The following EPHA5 variants were observed in gnomAD, a reference collection of about 807,000 sequenced individuals.
EPHA5 encodes the protein EPH receptor A5.
EPHA5 carries 60 observed loss-of-function variants against 105.0 expected under a neutral mutation model. The ratio of observed to expected loss-of-function variants is 0.57; its 90% CI spans 0.46 to 0.71. The LOEUF is 0.71. Among genes scored for constraint, EPHA5 ranks in the 30% least tolerant of loss-of-function variants. The probability of loss-of-function intolerance (pLI) is 0.00; values close to 1 mark genes in which losing one functional copy is unlikely to be tolerated. For missense variants in EPHA5, 1,218 were observed against 1,274.7 expected (o/e 0.96, Z 0.68); for synonymous variants, 513 against 449.1 (o/e 1.14, Z -1.80).
chr4:65,499,154 A>G (rs1732240028), intron 3 of EPHA5, among the ~76,000 whole-genome samples: 1 of 151,686 alleles, frequency 6.6e-6, no homozygotes, highest in South Asian at 2.1e-4. Context: ...AAAAGTTGTC[A>G]GAAGGAAACT....
intron 3 of EPHA5, among the ~76,000 whole-genome samples, chr4:65,508,518 T>C (rs1275087025): frequency 6.6e-6 from 1 of 152,106 alleles, no homozygotes; most frequent in African/African-American, 2.4e-5. Flanking sequence ...ATCCTATGTA[T>C]CTGACAAATT....
chr4:65,546,733 G>A (rs1011417648), intron 3 of EPHA5, among the ~76,000 whole-genome samples: 2 of 151,986 alleles, frequency 1.3e-5, no homozygotes, highest in African/African-American at 2.4e-5. Flanking sequence ...AATTTACAAT[G>A]TCTGCGAACT....
rs115342801 is a variant in EPHA5 at position 65,619,807 on chromosome 4, C to A, written c.247-17503G>T. Among the ~76,000 whole-genome samples the A allele has an allele frequency of 4.5e-3, 685 of 151,866 alleles. 13 individuals are homozygous for A. Among genetic ancestry groups the A allele is most frequent in the African/African-American group, 0.016 (643 of 41,460 alleles). On this transcript the variant is annotated intron_variant, in intron 2 of 16. Coordinates refer to ENST00000613740, the MANE Select transcript of EPHA5 (RefSeq NM_001281766.3). ...TACTTACATAAAAATACATACATGT[C>A]CAGAAAAATTAGCTTAGAATTTTTA... is the stretch of plus-strand genomic sequence containing the variant.
rs79819607 is a variant in EPHA5 at position 65,385,407 on chromosome 4, G to T, written c.1794-17983C>A. Among the ~76,000 whole-genome samples the T allele has an allele frequency of 8.6e-4, 130 of 151,652 alleles. 6 individuals carry two copies. In the East Asian group the frequency reaches 0.025, roughly 29 times the overall value. On this transcript the variant is annotated intron_variant, in intron 8 of 16. Transcript: ENST00000613740. ...TCTCTCAAATAATAAAAGTAATTGCGGCAATATACTGAAATTACCAAAACT... is the reference window on the plus strand; with the variant it reads ...TCTCTCAAATAATAAAAGTAATTGCTGCAATATACTGAAATTACCAAAACT...
At chr4:65,510,366 G>A (rs1355713591) in intron 3 of EPHA5, among the ~76,000 whole-genome samples, 1 of 151,946 alleles carries the variant, frequency 6.6e-6, no homozygotes, top group Non-Finnish European at 1.5e-5. Context: ...CTGTTAGCAA[G>A]ACTTTAATTT....
At chr4:65,531,491 T>C (rs1008701251) in intron 3 of EPHA5, among the ~76,000 whole-genome samples, 1 of 145,950 alleles carries the variant, frequency 6.9e-6, no homozygotes, top group Non-Finnish European at 1.5e-5. Flanking sequence ...TCCAGGAATC[T>C]GATCATAAAG....
intron 2 of EPHA5, among the ~76,000 whole-genome samples, chr4:65,632,815 G>A (rs1005254840): frequency 6.6e-6 from 1 of 151,938 alleles, no homozygotes; most frequent in East Asian, 1.9e-4. Context: ...ACACTTCTGG[G>A]TGGTAATGAG....
chr4:65,346,086 T>C (rs539514420), intron 14 of EPHA5, among the ~76,000 whole-genome samples: 14 of 146,700 alleles, frequency 9.5e-5, no homozygotes, highest in Admixed American at 2.7e-4. Flanking sequence ...TTCTCTCTCT[T>C]TTTTTTTTTT....
In EPHA5 at chr4:65,382,623, C is replaced by T. The variant is rs192312678; in HGVS notation, c.1794-15199G>A. On this transcript the variant is annotated intron_variant, in intron 8 of 16. Transcript: ENST00000613740. ...GTGAAGAAATTACATAACAACAGTT[C>T]TCTACTCATGTGTAACACAGTGGTT... is the stretch of plus-strand genomic sequence containing the variant. Among the ~76,000 whole-genome samples, 528 of 151,910 alleles carry T rather than the reference C, an allele frequency of 3.5e-3. 3 individuals carry two copies. The highest frequency in any genetic ancestry group is 0.027 in the Middle Eastern group (8 of 294).
At chr4:65,432,629 G>A (rs1378457162) in intron 5 of EPHA5, among the ~76,000 whole-genome samples, 2 of 151,882 alleles carry the variant, frequency 1.3e-5, no homozygotes, top group Non-Finnish European at 2.9e-5. Flanking sequence ...GTGCAGTGGT[G>A]CAATCTTGAC....
intron 2 of EPHA5, among the ~76,000 whole-genome samples, chr4:65,623,988 T>C (rs1044437296): frequency 2.0e-5 from 3 of 152,096 alleles, no homozygotes; most frequent in African/African-American, 7.2e-5. Context: ...AGCAAAACTT[T>C]AGAAAATGCT....
At chr4:65,576,299 G>A (rs925676407) in intron 3 of EPHA5, among the ~76,000 whole-genome samples, 1 of 152,058 alleles carries the variant, frequency 6.6e-6, no homozygotes, top group African/African-American at 2.4e-5. Context: ...CATCCATGTG[G>A]AGAAAAAAGT....
chr4:65,622,900 C>T (rs952632216), intron 2 of EPHA5, among the ~76,000 whole-genome samples: 7 of 151,974 alleles, frequency 4.6e-5, no homozygotes, highest in African/African-American at 7.2e-5. Context: ...TTAATAAGAA[C>T]TGAGTGTCTG....
chr4:65,414,216 T>C, intron 7 of EPHA5, 68 bp downstream of exon 7: 7 of 1,408,844 alleles, frequency 5.0e-6, no homozygotes, highest in East Asian at 2.3e-5. Context: ...AGGGAGGGTA[T>C]TGATCCACTG....
intron 3 of EPHA5, among the ~76,000 whole-genome samples, chr4:65,539,217 G>C (rs1201926240): frequency 1.3e-5 from 2 of 151,646 alleles, no homozygotes; most frequent in African/African-American, 4.8e-5. Flanking sequence ...CCATAAATGA[G>C]CTGTGGAAAC....
chr4:65,650,438 T>C (rs1748500922), intron 1 of EPHA5, among the ~76,000 whole-genome samples: 1 of 150,802 alleles, frequency 6.6e-6, no homozygotes, highest in Non-Finnish European at 1.5e-5. Context: ...CGGGCGCCCG[T>C]AGTCCCAGCT....
chr4:65,428,680 T>A (rs1209340179), intron 5 of EPHA5, among the ~76,000 whole-genome samples: 1 of 151,888 alleles, frequency 6.6e-6, no homozygotes, highest in African/African-American at 2.4e-5. Context: ...TATAGTTTGG[T>A]TTTTTTCAAA....
chr4:65,649,300 G>A (rs1560820303), intron 1 of EPHA5, among the ~76,000 whole-genome samples: 1 of 152,092 alleles, frequency 6.6e-6, no homozygotes, highest in African/African-American at 2.4e-5. Context: ...CTAAACATCA[G>A]ATCACTTTAT....
In EPHA5 at chr4:65,331,699, A is replaced by T. The variant is rs1720633566; in HGVS notation, c.2945+274T>A. 6 of 1,159,598 alleles carry T rather than the reference A, an allele frequency of 5.2e-6. No homozygotes were observed. The Admixed American group carries it at 1.4e-4, about 26-fold the overall frequency. 71.8% of individuals were successfully genotyped at this position (1,159,598 alleles called of 1,614,324 possible). On this transcript the variant is annotated intron_variant, in intron 16 of 16. Coordinates refer to ENST00000613740, the MANE Select transcript of EPHA5 (RefSeq NM_001281766.3). ...CTTGTCAAGAAAACATCTTTTCCAC[A>T]ACACAAAACACCAGTATTTTGCCAA...
Sources: allele counts gnomAD v4.1 joint callset (sites outside exome capture counted in the v4.1 genomes callset), GRCh38; gene constraint gnomAD v4.1.1; transcripts MANE v1.5; gene names NCBI Gene and HGNC (gene_info 2026-07-23, HGNC 2026-07-21).